RFTN2: variants seen among roughly 807,000 people sequenced by gnomAD.
The protein encoded by RFTN2 is raftlin-2.
A neutral mutation model predicts 52.7 loss-of-function variants in RFTN2; 34 were observed. The ratio of observed to expected loss-of-function variants is 0.64; its 90% CI spans 0.49 to 0.86. RFTN2 has a LOEUF of 0.86. Among genes scored for constraint, RFTN2 ranks in the 40% least tolerant of loss-of-function variants. The pLI, the probability that RFTN2 is intolerant of heterozygous loss-of-function variation, is 0.00. For synonymous variants in RFTN2, 203 were observed against 217.7 expected (o/e 0.93, Z 0.59); for missense variants, 536 against 600.1 (o/e 0.89, Z 1.12).
chr2:197,621,479 G>T (rs903723696), intron 5 of RFTN2, among the ~76,000 whole-genome samples: 4 of 143,782 alleles, frequency 2.8e-5, no homozygotes, highest in African/African-American at 1.0e-4. Flanking sequence ...TTTTTCCAAA[G>T]GTGTGTACTC....
At chr2:197,613,140 C>T (rs1200063614) in intron 7 of RFTN2, among the ~76,000 whole-genome samples, 3 of 152,126 alleles carry the variant, frequency 2.0e-5, no homozygotes, top group Admixed American at 6.6e-5. Context: ...AGAGTATTTA[C>T]ATTTTCTGAA....
intron 8 of RFTN2, among the ~76,000 whole-genome samples, chr2:197,574,141 C>T (rs1301847904): frequency 6.6e-6 from 1 of 152,164 alleles, no homozygotes; most frequent in East Asian, 1.9e-4. Context: ...GTCTTGCAGA[C>T]CCCAGAATGG....
chr2:197,666,286 T>C (rs1389265203), intron 1 of RFTN2, among the ~76,000 whole-genome samples: 1 of 152,314 alleles, frequency 6.6e-6, no homozygotes, highest in East Asian at 1.9e-4. Context: ...GGCTTCACCA[T>C]GTTGGCCAGG....
intron 1 of RFTN2, among the ~76,000 whole-genome samples, chr2:197,665,582 C>T (rs2089044503): frequency 8.8e-6 from 1 of 113,778 alleles, no homozygotes; most frequent in African/African-American, 3.7e-5. Context: ...ATAGGTATAG[C>T]TATACCTGTT....
chr2:197,646,914 A>AC lies in RFTN2; in HGVS notation c.140-249_140-248insG, dbSNP rs1274774105. Among the ~76,000 whole-genome samples, 26 of 151,334 alleles carry AC rather than the reference A, an allele frequency of 1.7e-4. 1 individual carries two copies. The highest frequency in any genetic ancestry group is 4.6e-4 in the African/African-American group (19 of 41,382). ...TGTCTCTACAAAAAAAAAAAAAAAA[A>AC]AAAAAACTCCAATGGCTTAATCTCA... is the stretch of plus-strand genomic sequence containing the variant. On this transcript the variant is annotated intron_variant, in intron 1 of 8. Coordinates refer to ENST00000295049, the MANE Select transcript of RFTN2 (RefSeq NM_144629.3).
chr2:197,580,971 C>T (rs1160972777), intron 8 of RFTN2, among the ~76,000 whole-genome samples: 2 of 152,272 alleles, frequency 1.3e-5, no homozygotes, highest in South Asian at 2.1e-4. Context: ...AAACCTCCTT[C>T]GTGTCTTCCT....
intron 4 of RFTN2, among the ~76,000 whole-genome samples, chr2:197,633,326 G>A (rs565809089): frequency 6.6e-6 from 1 of 152,138 alleles, no homozygotes; most frequent in African/African-American, 2.4e-5. Flanking sequence ...CCATGAAATG[G>A]GAAAGGCCAA....
intron 4 of RFTN2, among the ~76,000 whole-genome samples, chr2:197,632,630 G>A (rs1327715078): frequency 6.6e-6 from 1 of 152,098 alleles, no homozygotes; most frequent in African/African-American, 2.4e-5. Context: ...TTTTTACATT[G>A]CAGAAAAATC....
At chr2:197,626,434 C>T (rs1010946684) in intron 5 of RFTN2, among the ~76,000 whole-genome samples, 7 of 151,614 alleles carry the variant, frequency 4.6e-5, no homozygotes, top group South Asian at 2.1e-4. Context: ...GGTGTGGTGG[C>T]GTGCATATAG....
chr2:197,615,851 G>T, intron 7 of RFTN2, 25 bp downstream of exon 7: 2 of 1,143,868 alleles, frequency 1.7e-6, no homozygotes, highest in South Asian at 1.3e-5. Flanking sequence ...TTAAATGATA[G>T]TATGTAAGGA....
At chr2:197,600,391 G>A (rs2087861934) in intron 7 of RFTN2, among the ~76,000 whole-genome samples, 1 of 152,128 alleles carries the variant, frequency 6.6e-6, no homozygotes, top group African/African-American at 2.4e-5. Context: ...TTTGAGATAT[G>A]TCGGAAACTT....
chr2:197,636,867 G>T (rs1407652372), intron 3 of RFTN2, among the ~76,000 whole-genome samples: 1 of 149,880 alleles, frequency 6.7e-6, no homozygotes, highest in Admixed American at 6.6e-5. Flanking sequence ...TATGATATTG[G>T]CTGTGGGTTT....
intron 8 of RFTN2, among the ~76,000 whole-genome samples, chr2:197,582,814 G>C (rs74265509): frequency 6.6e-6 from 1 of 152,144 alleles, no homozygotes; most frequent in Non-Finnish European, 1.5e-5. Flanking sequence ...TTCACTGCAA[G>C]AGCCATCAAA....
intron 3 of RFTN2, among the ~76,000 whole-genome samples, chr2:197,635,834 AT>A (rs1374649055): frequency 7.2e-6 from 1 of 139,308 alleles, no homozygotes; most frequent in Non-Finnish European, 1.6e-5. Flanking sequence ...CTGAATGGTA[AT>A]GCCTAGGTTT....
At chr2:197,590,021 C>CCCCACT (rs1256697156) in intron 8 of RFTN2, among the ~76,000 whole-genome samples, 2 of 151,822 alleles carry the variant, frequency 1.3e-5, no homozygotes, top group African/African-American at 4.8e-5. Context: ...ATCCCCCCAC[C>CCCCACT]CCCACTCCCC....
intron 7 of RFTN2, among the ~76,000 whole-genome samples, chr2:197,605,423 G>A (rs1395048712): frequency 6.6e-6 from 1 of 151,980 alleles, no homozygotes; most frequent in Non-Finnish European, 1.5e-5. Context: ...CACTGTGTTA[G>A]CCAGGATGAT....
intron 1 of RFTN2, among the ~76,000 whole-genome samples, chr2:197,674,339 CAAAAAA>C (rs1222944678): frequency 1.5e-4 from 5 of 34,252 alleles, no homozygotes; most frequent in Non-Finnish European, 2.4e-4. Flanking sequence ...TAGAGCAAAG[CAAAAAA>C]AAAAAAAAAA....
intron 1 of RFTN2, among the ~76,000 whole-genome samples, chr2:197,667,345 T>C (rs1339077253): frequency 6.6e-6 from 1 of 152,220 alleles, no homozygotes; most frequent in African/African-American, 2.4e-5. Flanking sequence ...GAATTGTTTT[T>C]CTGATTTATT....
intron 8 of RFTN2, among the ~76,000 whole-genome samples, chr2:197,587,039 C>T (rs557076331): frequency 6.6e-6 from 1 of 152,290 alleles, no homozygotes; most frequent in East Asian, 1.9e-4. Context: ...TTCTTTAATA[C>T]CTGTTCTTCT....
Sources: allele counts gnomAD v4.1 joint callset (sites outside exome capture counted in the v4.1 genomes callset), GRCh38; gene constraint gnomAD v4.1.1; transcripts MANE v1.5; gene names NCBI Gene and HGNC (gene_info 2026-07-23, HGNC 2026-07-21).